The following RAB9B variants were observed in gnomAD, a reference collection of about 807,000 sequenced individuals.
The protein encoded by RAB9B is RAB9B, member RAS oncogene family.
A neutral mutation model predicts 8.9 loss-of-function variants in RAB9B; 1 was observed. The observed-to-expected ratio is 0.11, with a 90% CI of 0.04 to 0.53. The LOEUF (loss-of-function observed/expected upper bound fraction) is 0.53, where lower values mean the gene tolerates loss of function less well. Ranked by LOEUF, RAB9B falls within the 20% of genes least tolerant of loss-of-function variation. The pLI is 0.93. For synonymous variants in RAB9B, 63 were observed against 57.0 expected (o/e 1.10, Z -0.47); for missense variants, 82 against 152.9 (o/e 0.54, Z 2.45).
chrX:103,777,437 G>A, the RAB9B span, among the ~76,000 whole-genome samples: 2 of 111,959 alleles, frequency 1.8e-5, no homozygotes, highest in East Asian at 5.7e-4. Context: ...AACCATGTTT[G>A]GCATTAATAG....
the RAB9B span, chrX:103,786,524 C>T: frequency 2.5e-6 from 3 of 1,207,821 alleles, no homozygotes; most frequent in Admixed American, 2.2e-5. Context: ...CTTTATGGGG[C>T]CCTCCTGCTG....
At chrX:103,831,870 G>T (rs746439732) in intron 1 of RAB9B, among the ~76,000 whole-genome samples, 190 bp downstream of exon 1, 2 of 110,486 alleles carry the variant, frequency 1.8e-5, no homozygotes, top group East Asian at 5.8e-4. Context: ...ACTCAGCAAC[G>T]CCCCCCTGCA....
chrX:103,826,655 T>C (rs1172881659), intron 2 of RAB9B, among the ~76,000 whole-genome samples: 1 of 112,215 alleles, frequency 8.9e-6, no homozygotes, highest in East Asian at 2.8e-4. Context: ...CTAGAATGTG[T>C]CTTAAAATAA....
the RAB9B span, among the ~76,000 whole-genome samples, chrX:103,817,053 C>T: frequency 1.3e-4 from 14 of 111,879 alleles, no homozygotes; most frequent in African/African-American, 4.6e-4. Flanking sequence ...CTAGAAATAC[C>T]TTTTGACCCA....
chrX:103,784,930 C>A, the RAB9B span, among the ~76,000 whole-genome samples: 1 of 112,299 alleles, frequency 8.9e-6, no homozygotes, highest in Admixed American at 9.4e-5. Flanking sequence ...CTAAAATAAG[C>A]AAGCAAACAA....
At chrX:103,829,379 A>G (rs1004230983) in intron 1 of RAB9B, among the ~76,000 whole-genome samples, 7 of 111,031 alleles carry the variant, frequency 6.3e-5, no homozygotes, top group African/African-American at 2.3e-4. Flanking sequence ...GAAACCCTCC[A>G]CTCTCCTCTG....
At chrX:103,786,330 C>T in the RAB9B span, 1 of 1,015,949 alleles carries the variant, frequency 9.8e-7, no homozygotes, top group African/African-American at 1.9e-5. Flanking sequence ...GCAGGAGGAA[C>T]CTGGTGATTC....
At chrX:103,816,140 C>T in the RAB9B span, among the ~76,000 whole-genome samples, 351 of 111,011 alleles carry the variant, frequency 3.2e-3, 1 homozygote, top group African/African-American at 0.01. Flanking sequence ...CTGGGCAAGA[C>T]GAACAAAGCT....
At chrX:103,779,044 GA>G in the RAB9B span, among the ~76,000 whole-genome samples, 209 of 112,348 alleles carry the variant, frequency 1.9e-3, 2 homozygotes, top group East Asian at 0.021. Flanking sequence ...TGGAAGCAAG[GA>G]GGAACACTGA....
At chrX:103,779,015 A>G in the RAB9B span, among the ~76,000 whole-genome samples, 3 of 112,188 alleles carry the variant, frequency 2.7e-5, no homozygotes, top group African/African-American at 9.7e-5. Flanking sequence ...TACTTCAACC[A>G]TATAGAATCC....
chrX:103,797,765 G>A, the RAB9B span, among the ~76,000 whole-genome samples: 1 of 98,327 alleles, frequency 1.0e-5, no homozygotes, highest in Non-Finnish European at 2.0e-5. Flanking sequence ...TAGCCACTCA[G>A]GATCCATTTT....
the RAB9B span, chrX:103,790,611 A>G: frequency 3.4e-6 from 4 of 1,164,388 alleles, no homozygotes; most frequent in Non-Finnish European, 4.7e-6. Flanking sequence ...CCCCGTAGAA[A>G]TCCCCCTTTC....
At chrX:103,792,635 G>A in the RAB9B span, 1 of 112,636 alleles carries the variant, frequency 8.9e-6, no homozygotes, top group South Asian at 3.7e-4. Flanking sequence ...TGTCCTTTGA[G>A]TGAATTGTTC....
chrX:103,813,745 CAAAAA>C, the RAB9B span, among the ~76,000 whole-genome samples: 2 of 8,542 alleles, frequency 2.3e-4, no homozygotes, highest in Non-Finnish European at 3.8e-4. Context: ...AAATGGAAAG[CAAAAA>C]AAAAAAAAAA....
the RAB9B span, among the ~76,000 whole-genome samples, chrX:103,796,203 G>C: frequency 8.9e-5 from 10 of 112,412 alleles, no homozygotes; most frequent in Admixed American, 1.9e-4. Flanking sequence ...GGCAGGGCAT[G>C]GTGGCTCATG....
the RAB9B span, chrX:103,787,973 T>A: frequency 8.3e-7 from 1 of 1,198,361 alleles, no homozygotes; most frequent in Non-Finnish European, 1.1e-6. Flanking sequence ...TATGGTGAGT[T>A]AGGGTACGGG....
intron 1 of RAB9B, among the ~76,000 whole-genome samples, chrX:103,830,545 G>A (rs999036027): frequency 9.0e-6 from 1 of 111,558 alleles, no homozygotes; most frequent in African/African-American, 3.3e-5. Context: ...TTCGAGAGAC[G>A]CAATTCCCCT....
chrX:103,824,073 G>A lies in RAB9B; in HGVS notation c.*1106C>T, dbSNP rs1411447251. The A allele has an allele frequency of 8.9e-6, 1 of 112,253 alleles. No individual in the cohort carries two copies. The highest frequency in any genetic ancestry group is 1.9e-5 in the Non-Finnish European group (1 of 53,245). The allele number at this position is 112,253 out of a possible 1,213,427, so 9.3% of individuals were successfully genotyped here. A position where few individuals can be genotyped will look rare whatever the true frequency, so the allele number is the denominator to read the frequency against. On this transcript the variant is annotated 3_prime_UTR_variant, in exon 3 of 3. Transcript: ENST00000243298. ...CAGAGGCAGGGAGCTCACTATTAAG[G>A]CAGTCCATTCCACTGTTGGACAACT...
the RAB9B span, among the ~76,000 whole-genome samples, chrX:103,800,349 T>C: frequency 4.5e-5 from 5 of 111,414 alleles, no homozygotes; most frequent in South Asian, 1.9e-3. Context: ...AACACATTCA[T>C]TGCTTTAGTA....
Sources: allele counts gnomAD v4.1 joint callset (sites outside exome capture counted in the v4.1 genomes callset), GRCh38; gene constraint gnomAD v4.1.1; transcripts MANE v1.5; gene names NCBI Gene and HGNC (gene_info 2026-07-23, HGNC 2026-07-21).